The following TRMT9B variants were observed in gnomAD, a reference collection of about 807,000 sequenced individuals.
TRMT9B encodes probable tRNA methyltransferase 9B.
A neutral mutation model predicts 11.5 loss-of-function variants in TRMT9B; 16 were observed. The observed-to-expected ratio is 1.39, with a 90% CI of 0.94 to 2.11. The LOEUF is 2.11. Among genes scored for constraint, TRMT9B ranks in the 30% most tolerant of loss-of-function variants. TRMT9B has a pLI of 0.00. For synonymous variants in TRMT9B, 274 were observed against 192.4 expected (o/e 1.42, Z -3.51); for missense variants, 941 against 553.8 (o/e 1.70, Z -7.02).
intron 2 of TRMT9B, among the ~76,000 whole-genome samples, chr8:12,996,630 C>T (rs181525906): frequency 3.9e-5 from 6 of 152,316 alleles, no homozygotes; most frequent in Admixed American, 3.9e-4. Flanking sequence ...AGAGAGGATA[C>T]TCTGCTCAGT....
chr8:13,011,573 T>A (rs1434782992), intron 3 of TRMT9B: 1 of 936,832 alleles, frequency 1.1e-6, no homozygotes, highest in Admixed American at 6.2e-5. Flanking sequence ...TAGAATATAA[T>A]ACTAAGTATT....
At chr8:12,957,867 C>T (rs2128860367) in intron 1 of TRMT9B, among the ~76,000 whole-genome samples, 1 of 152,224 alleles carries the variant, frequency 6.6e-6, no homozygotes, top group Non-Finnish European at 1.5e-5. Flanking sequence ...CATTGCTGTG[C>T]AACCATCGCT....
At chr8:12,984,999 A>T (rs1026427028) in intron 1 of TRMT9B, among the ~76,000 whole-genome samples, 2 of 147,312 alleles carry the variant, frequency 1.4e-5, no homozygotes, top group Non-Finnish European at 3.0e-5. Flanking sequence ...TCTCTCTCTC[A>T]CACTCCCCAC....
chr8:13,017,211 T>A (rs1414902467), intron 4 of TRMT9B, among the ~76,000 whole-genome samples: 3 of 152,146 alleles, frequency 2.0e-5, no homozygotes, highest in African/African-American at 7.2e-5. Context: ...AGATTCTGAA[T>A]GCTGAAGTTT....
intron 2 of TRMT9B, among the ~76,000 whole-genome samples, chr8:12,997,242 C>T (rs1406782353): frequency 6.6e-6 from 1 of 152,024 alleles, no homozygotes; most frequent in Admixed American, 6.6e-5. Context: ...AATGGCTTGG[C>T]ATCCTCCTTA....
At chr8:12,959,487 C>T (rs112827751) in intron 1 of TRMT9B, among the ~76,000 whole-genome samples, 1 of 142,502 alleles carries the variant, frequency 7.0e-6, no homozygotes, top group Non-Finnish European at 1.5e-5. Context: ...TTCCTCTCCT[C>T]TCCTCTCCTC....
chr8:13,020,327 T>C (rs1312849317), intron 4 of TRMT9B, among the ~76,000 whole-genome samples: 4 of 152,220 alleles, frequency 2.6e-5, no homozygotes, highest in Non-Finnish European at 4.4e-5. Flanking sequence ...GCAGATAAAA[T>C]TATGCCTAAT....
intron 1 of TRMT9B, among the ~76,000 whole-genome samples, chr8:12,946,474 G>C (rs1368436462): frequency 1.3e-5 from 2 of 152,148 alleles, no homozygotes; most frequent in Admixed American, 6.6e-5. Flanking sequence ...CAGGTGACTG[G>C]GAGGACGGAG....
intron 1 of TRMT9B, among the ~76,000 whole-genome samples, chr8:12,955,645 C>T (rs1226469344): frequency 6.6e-6 from 1 of 152,120 alleles, no homozygotes; most frequent in African/African-American, 2.4e-5. Flanking sequence ...GTGTTACGTC[C>T]CATTTTGCTG....
intron 2 of TRMT9B, among the ~76,000 whole-genome samples, chr8:12,998,977 T>C (rs931586447): frequency 2.6e-5 from 4 of 152,158 alleles, no homozygotes; most frequent in Admixed American, 6.6e-5. Context: ...TCTATCCCTG[T>C]TTCTTTACCC....
At chr8:12,969,043 C>G (rs4831853) in intron 1 of TRMT9B, among the ~76,000 whole-genome samples, 1 of 152,240 alleles carries the variant, frequency 6.6e-6, no homozygotes, top group African/African-American at 2.4e-5. Context: ...GAAACCCCAT[C>G]TCTACTAATA....
chr8:13,015,392 T>C (rs1812456200), intron 4 of TRMT9B, among the ~76,000 whole-genome samples: 1 of 152,136 alleles, frequency 6.6e-6, no homozygotes, highest in Non-Finnish European at 1.5e-5. Context: ...AATTTTTTTA[T>C]TGGTCTCACT....
chr8:12,972,974 A>G lies in TRMT9B; in HGVS notation c.-199-17860A>G, dbSNP rs937989665. Among the ~76,000 whole-genome samples, 18 of 152,152 alleles carry G rather than the reference A, an allele frequency of 1.2e-4. No individual in the cohort carries two copies. In the East Asian group the frequency reaches 2.3e-3, roughly 20 times the overall value. On this transcript the variant is annotated intron_variant, in intron 1 of 4. Coordinates refer to ENST00000524591, the MANE Select transcript of TRMT9B (RefSeq NM_020844.3). ...CAAAGTGAACCTCCAGGCCATTTAA[A>G]CACTAAGCCCCTTTTACCCTGACTC...
intron 3 of TRMT9B, 109 bp from the exon 4 acceptor site, chr8:13,012,575 A>G (rs1423103164): frequency 2.2e-6 from 3 of 1,360,622 alleles, no homozygotes; most frequent in African/African-American, 1.5e-5. Context: ...ACTCTGTCTC[A>G]AAATAAATAA....
chr8:13,014,018 T>C (rs1044327853), intron 4 of TRMT9B, among the ~76,000 whole-genome samples: 3 of 152,212 alleles, frequency 2.0e-5, no homozygotes, highest in African/African-American at 7.2e-5. Context: ...TTTTATAAAA[T>C]GGAGTTATTC....
chr8:12,965,748 C>CA (rs1047479325), intron 1 of TRMT9B, among the ~76,000 whole-genome samples: 2 of 152,078 alleles, frequency 1.3e-5, no homozygotes, highest in African/African-American at 2.4e-5. Context: ...CACAGCAACT[C>CA]ACGCCTGTAA....
chr8:13,006,377 C>G (rs1452708389), intron 3 of TRMT9B, 21 bp downstream of exon 3: 2 of 1,569,934 alleles, frequency 1.3e-6, no homozygotes, highest in East Asian at 2.3e-5. Context: ...AGCCTCATCG[C>G]TGACATAGGT....
intron 1 of TRMT9B, among the ~76,000 whole-genome samples, chr8:12,950,070 T>A (rs1188381416): frequency 2.0e-5 from 3 of 152,024 alleles, no homozygotes; most frequent in Non-Finnish European, 4.4e-5. Context: ...CCCAAGCTGG[T>A]CTCAAACTCC....
chr8:12,952,664 C>G (rs1585053490), intron 1 of TRMT9B: 1 of 983,772 alleles, frequency 1.0e-6, no homozygotes, highest in Admixed American at 6.2e-5. Flanking sequence ...TCAAAGCTCA[C>G]GATGAAAATA....
Sources: allele counts gnomAD v4.1 joint callset (sites outside exome capture counted in the v4.1 genomes callset), GRCh38; gene constraint gnomAD v4.1.1; transcripts MANE v1.5; gene names NCBI Gene and HGNC (gene_info 2026-07-23, HGNC 2026-07-21).